Variants in ABHD6 observed in about 807,000 individuals in gnomAD.
The protein encoded by ABHD6 is monoacylglycerol lipase ABHD6.
In ABHD6, 33 loss-of-function variants were observed where a neutral mutation model predicts 38.8. The observed-to-expected ratio is 0.85, with a 90% confidence interval of 0.64 to 1.14. The LOEUF (loss-of-function observed/expected upper bound fraction) is 1.14, where lower values mean the gene tolerates loss of function less well. Among genes scored for constraint, ABHD6 ranks in the 50% most tolerant of loss-of-function variants. The pLI is 0.00. For synonymous variants in ABHD6, 147 were observed against 161.6 expected (o/e 0.91, Z 0.69); for missense variants, 380 against 422.6 (o/e 0.90, Z 0.88).
At chr3:58,250,209 G>C (rs1366821651) in intron 2 of ABHD6, among the ~76,000 whole-genome samples, 1 of 152,144 alleles carries the variant, frequency 6.6e-6, no homozygotes, top group Non-Finnish European at 1.5e-5. Context: ...TGGAAGGCAT[G>C]GGTTCATGGG....
chr3:58,260,766 G>A (rs754993884), intron 3 of ABHD6, among the ~76,000 whole-genome samples: 3 of 152,150 alleles, frequency 2.0e-5, no homozygotes, highest in Admixed American at 6.5e-5. Flanking sequence ...CCCAGTCCCC[G>A]TTCCCCGCTG....
In ABHD6 at chr3:58,269,505, C is replaced by A. The variant is rs2107453911; in HGVS notation, c.390+71C>A. ...CCATTACATGTCTGAGTCTGGAGAG[C>A]AGGGAAGGGAGTCCTGTGCTACCTC... On this transcript the variant is annotated intron_variant, in intron 5 of 9. Transcript: ENST00000478253. This position sits in a 1 kb window ranked among gnomAD's most constrained non-coding sequence, Gnocchi z 4.4. The A allele has an allele frequency of 1.6e-6, 2 of 1,228,102 alleles. No homozygotes were observed. Among genetic ancestry groups the A allele is most frequent in the Non-Finnish European group, 2.4e-6 (2 of 846,822 alleles). 76.1% of individuals were successfully genotyped at this position (1,228,102 alleles called of 1,614,324 possible).
intron 7 of ABHD6, among the ~76,000 whole-genome samples, chr3:58,280,039 A>G (rs915293450): frequency 2.6e-5 from 4 of 151,612 alleles, no homozygotes; most frequent in African/African-American, 7.3e-5. Context: ...CTTCATTTCA[A>G]CCTTGCTGAA....
In ABHD6 at chr3:58,256,103, A is replaced by C. The variant is rs2097433113; in HGVS notation, c.-25-459A>C. ...CACACACACACACACACACACACAC[A>C]CACACATACACACACTACTTTTTCT... On this transcript the variant is annotated intron_variant, in intron 2 of 9. Transcript: ENST00000478253. The surrounding 1 kb of genome is among the most constrained non-coding windows in gnomAD (Gnocchi z 4.3). Among the ~76,000 whole-genome samples, 1 of 105,928 alleles carries C rather than the reference A, an allele frequency of 9.4e-6. No homozygotes were observed. Among genetic ancestry groups the C allele is most frequent in the South Asian group, 3.2e-4 (1 of 3,110 alleles). The allele number at this position is 105,928 out of a possible 152,430, so 69.5% of individuals were successfully genotyped here. A position where few individuals can be genotyped will look rare whatever the true frequency, so the allele number is the denominator to read the frequency against.
In ABHD6 at chr3:58,266,414, A is replaced by T. The variant is rs1311604444; in HGVS notation, c.120-775A>T. On this transcript the variant is annotated intron_variant, in intron 3 of 9. Transcript: ENST00000478253. This position sits in a 1 kb window ranked among gnomAD's most constrained non-coding sequence, Gnocchi z 4.0. ...AGCGGAAATTGCCCCAGCGTGGGTG[A>T]CAGAGCGAGACTGTATCTAAAAAAA... Among the ~76,000 whole-genome samples, 2 of 151,326 alleles carry T rather than the reference A, an allele frequency of 1.3e-5. No individual in the cohort carries two copies. Among genetic ancestry groups the T allele is most frequent in the African/African-American group, 4.9e-5 (2 of 41,098 alleles).
intron 6 of ABHD6, among the ~76,000 whole-genome samples, chr3:58,274,058 TC>T (rs2097446948): frequency 6.6e-6 from 1 of 152,160 alleles, no homozygotes; most frequent in African/African-American, 2.4e-5. Flanking sequence ...AATTTTGCTC[TC>T]CTAGAGGAAG....
Position 58,286,866 on chromosome 3 carries a change from ATATG to A in ABHD6, c.837+1417_837+1420del, listed in dbSNP as rs1257857934. On this transcript the variant is annotated intron_variant, in intron 9 of 9. Coordinates refer to ENST00000478253, the MANE Select transcript of ABHD6 (RefSeq NM_001320126.2). ...TGTGTGTGTGTGTATATATATATAT[ATATG>A]TATATGTATATATAAGTAGGTATCT... Among the ~76,000 whole-genome samples the A allele has an allele frequency of 3.0e-4, 39 of 128,068 alleles. 5 individuals carry two copies. In the East Asian group the frequency reaches 4.7e-3, roughly 15 times the overall value. 84.0% of individuals were successfully genotyped at this position (128,068 alleles called of 152,430 possible).
rs1413866219 is a variant in ABHD6 at position 58,238,569 on chromosome 3, A to C, written c.-91+653A>C. ...ACACAGGTTTCACGGCTGCCTTAGAAATGCGGATTGTGTAACGCCGGCTGC... is the reference window on the plus strand; with the variant it reads ...ACACAGGTTTCACGGCTGCCTTAGACATGCGGATTGTGTAACGCCGGCTGC... On this transcript the variant is annotated intron_variant, in intron 1 of 9. Coordinates refer to ENST00000478253, the MANE Select transcript of ABHD6 (RefSeq NM_001320126.2). The surrounding 1 kb of genome is among the most constrained non-coding windows in gnomAD (Gnocchi z 6.9). The C allele has an allele frequency of 7.9e-5, 12 of 152,456 alleles. No homozygotes were observed. 9.4% of individuals were successfully genotyped at this position (152,456 alleles called of 1,614,324 possible). A position where few individuals can be genotyped will look rare whatever the true frequency, so the allele number is the denominator to read the frequency against.
Position 58,256,096 on chromosome 3 carries a change from C to CACAG in ABHD6, c.-25-463_-25-462insGACA, listed in dbSNP as rs1553718603. ...CCACCAACACACACACACACACACA[C>CACAG]ACACACACACACATACACACACTAC... On this transcript the variant is annotated intron_variant, in intron 2 of 9. Transcript: ENST00000478253. This position sits in a 1 kb window ranked among gnomAD's most constrained non-coding sequence, Gnocchi z 4.3. 2.4e-4 allele frequency among the ~76,000 whole-genome samples: 36 copies of CACAG among 147,434 alleles called. No homozygotes were observed. Among genetic ancestry groups the CACAG allele is most frequent in the Admixed American group, 4.1e-4 (6 of 14,790 alleles).
rs2097443374 is a variant in ABHD6 at position 58,269,587 on chromosome 3, G to T, written c.390+153G>T. On this transcript the variant is annotated intron_variant, in intron 5 of 9. Transcript: ENST00000478253. The surrounding 1 kb of genome is among the most constrained non-coding windows in gnomAD (Gnocchi z 4.4). ...GTGATGGCAAGCCAAATGGCAACCT[G>T]ATGATATCTCTGGTTGGCAATGGAG... 6.6e-6 allele frequency among the ~76,000 whole-genome samples: 1 copy of T among 152,230 alleles called. No individual in the cohort carries two copies. Among genetic ancestry groups the T allele is most frequent in the Non-Finnish European group, 1.5e-5 (1 of 68,036 alleles).
At chr3:58,276,798 G>A (rs2097449060) in intron 7 of ABHD6, among the ~76,000 whole-genome samples, 1 of 152,274 alleles carries the variant, frequency 6.6e-6, no homozygotes, top group African/African-American at 2.4e-5. Flanking sequence ...TGTATAAGGT[G>A]TAAGGAAAGG....
At chr3:58,290,538 C>T (rs13310903) in intron 9 of ABHD6, among the ~76,000 whole-genome samples, 2 of 141,162 alleles carry the variant, frequency 1.4e-5, no homozygotes, top group Non-Finnish European at 3.1e-5. Context: ...ACCTCCCTCC[C>T]GGACGGGTCG....
At chr3:58,274,633 A>G (rs1440499856) in intron 6 of ABHD6, 25 bp from the exon 7 acceptor site, 17 of 1,608,136 alleles carry the variant, frequency 1.1e-5, no homozygotes, top group Non-Finnish European at 1.4e-5. Context: ...TGTATCATCA[A>G]GCCATTTGGG....
In ABHD6 at chr3:58,293,811, C is replaced by T. The variant is rs780973098; in HGVS notation, c.*46C>T. ...TTCTGCACACAGCATCTGCTCCCAT[C>T]CCCCAAGTCTGACGCAGCCACCACT... On this transcript the variant is annotated 3_prime_UTR_variant, in exon 10 of 10. Transcript: ENST00000478253. This position sits in a 1 kb window ranked among gnomAD's most constrained non-coding sequence, Gnocchi z 4.4. 6 of 1,588,608 alleles carry T rather than the reference C, an allele frequency of 3.8e-6. No homozygotes were observed. The South Asian group carries it at 6.7e-5, about 18-fold the overall frequency.
At chr3:58,239,732 T>G (rs1459200661) in intron 1 of ABHD6, among the ~76,000 whole-genome samples, 1 of 152,078 alleles carries the variant, frequency 6.6e-6, no homozygotes, top group East Asian at 1.9e-4. Context: ...AAACTTGATA[T>G]GAGAAAAAAA....
intron 1 of ABHD6, among the ~76,000 whole-genome samples, chr3:58,244,924 C>T (rs998672518): frequency 4.6e-5 from 7 of 151,986 alleles, no homozygotes; most frequent in African/African-American, 1.7e-4. Flanking sequence ...TGTGGCTTTA[C>T]CATATATCCT....
intron 1 of ABHD6, among the ~76,000 whole-genome samples, chr3:58,248,609 A>C (rs1001979283): frequency 2.0e-5 from 3 of 152,214 alleles, no homozygotes; most frequent in African/African-American, 7.2e-5. Context: ...GAGGCAGGAG[A>C]ATCGCTTGAA....
intron 1 of ABHD6, among the ~76,000 whole-genome samples, chr3:58,244,118 G>C (rs898449592): frequency 4.6e-5 from 7 of 152,222 alleles, no homozygotes; most frequent in Non-Finnish European, 1.5e-5. Context: ...CTGGTCGTCA[G>C]ATGTTTTGCA....
At chr3:58,245,642 G>C (rs985645831) in intron 1 of ABHD6, among the ~76,000 whole-genome samples, 4 of 152,132 alleles carry the variant, frequency 2.6e-5, no homozygotes, top group African/African-American at 9.7e-5. Flanking sequence ...AGCCGGGTAT[G>C]ATGGTGCACA....
Sources: allele counts gnomAD v4.1 joint callset (sites outside exome capture counted in the v4.1 genomes callset), GRCh38; gene constraint gnomAD v4.1.1; non-coding constraint Gnocchi (gnomAD v3.1); transcripts MANE v1.5; gene names NCBI Gene and HGNC (gene_info 2026-07-23, HGNC 2026-07-21).